The following ASAP1 variants were observed in gnomAD, a reference collection of about 807,000 sequenced individuals.
ASAP1 encodes the protein arf-GAP with SH3 domain, ANK repeat and PH domain-containing protein 1.
ASAP1 carries 43 observed loss-of-function variants against 145.2 expected under a neutral mutation model. The observed-to-expected ratio is 0.30, with a 90% confidence interval of 0.23 to 0.38. ASAP1 has a LOEUF of 0.38. Ranked by LOEUF, ASAP1 falls within the 10% of genes least tolerant of loss-of-function variation. The pLI, the probability that ASAP1 is intolerant of heterozygous loss-of-function variation, is 1.00. For synonymous variants in ASAP1, 546 were observed against 515.5 expected, an observed-to-expected ratio of 1.06 and a Z score of -0.80; for missense variants, 1,018 against 1,355.3, an observed-to-expected ratio of 0.75 and a Z score of 3.91.
chr8:130,237,019 G>T lies in ASAP1; in HGVS notation c.187-25C>A, dbSNP rs528506295. ...CCTAAAAGAGAAAAAAGGGGGAAAA[G>T]ATATTAGAAGATTTGGTAAATTAAA... On this transcript the variant is annotated intron_variant, in intron 3 of 29. Coordinates refer to ENST00000518721, the MANE Select transcript of ASAP1 (RefSeq NM_018482.4). The T allele has an allele frequency of 1.3e-5, 19 of 1,487,594 alleles. No individual in the cohort carries two copies. The South Asian group carries it at 2.2e-4, about 17-fold the overall frequency. 92.1% of individuals were successfully genotyped at this position (1,487,594 alleles called of 1,614,324 possible).
chr8:130,176,752 G>A (rs1398043739), intron 9 of ASAP1, among the ~76,000 whole-genome samples: 2 of 150,880 alleles, frequency 1.3e-5, no homozygotes, highest in Non-Finnish European at 2.9e-5. Context: ...GTGCAATGGC[G>A]TGATCTCGGC....
At chr8:130,305,086 C>G (rs927835039) in intron 3 of ASAP1, among the ~76,000 whole-genome samples, 1 of 152,172 alleles carries the variant, frequency 6.6e-6, no homozygotes, top group African/African-American at 2.4e-5. Context: ...CGGACCCCCA[C>G]AGCTAAACTC....
chr8:130,340,230 T>TG (rs1324110142), intron 3 of ASAP1, among the ~76,000 whole-genome samples: 1 of 152,080 alleles, frequency 6.6e-6, no homozygotes, highest in Non-Finnish European at 1.5e-5. Flanking sequence ...GTGAAAAAGG[T>TG]GTCTACAAGG....
At chr8:130,424,915 C>T (rs1587022837) in intron 1 of ASAP1, among the ~76,000 whole-genome samples, 1 of 151,988 alleles carries the variant, frequency 6.6e-6, no homozygotes, top group African/African-American at 2.4e-5. Flanking sequence ...ATCGCTTGAA[C>T]CCGGGAGGCA....
intron 13 of ASAP1, among the ~76,000 whole-genome samples, chr8:130,137,503 T>G (rs747297436): frequency 2.7e-4 from 41 of 152,242 alleles, no homozygotes; most frequent in Non-Finnish European, 4.4e-4. Flanking sequence ...TATCTTACTA[T>G]GAAATGTAGC....
At chr8:130,404,361 T>C (rs1342782123) in intron 1 of ASAP1, among the ~76,000 whole-genome samples, 2 of 152,308 alleles carry the variant, frequency 1.3e-5, no homozygotes, top group African/African-American at 4.8e-5. Flanking sequence ...CAAAACAATC[T>C]TGAAAATGAA....
chr8:130,162,608 G>C (rs993902290), intron 11 of ASAP1, among the ~76,000 whole-genome samples: 1 of 152,006 alleles, frequency 6.6e-6, no homozygotes, highest in Non-Finnish European at 1.5e-5. Context: ...CATGAGGTCA[G>C]GAGATCGAGA....
At chr8:130,262,243 A>G (rs1248422521) in intron 3 of ASAP1, among the ~76,000 whole-genome samples, 1 of 151,530 alleles carries the variant, frequency 6.6e-6, no homozygotes, top group Non-Finnish European at 1.5e-5. Context: ...AAAAATACAA[A>G]AACTAGCCGG....
chr8:130,221,166 T>C (rs1008184584), intron 4 of ASAP1, among the ~76,000 whole-genome samples: 3 of 151,958 alleles, frequency 2.0e-5, no homozygotes, highest in Admixed American at 6.6e-5. Flanking sequence ...CCTGGGAAGT[T>C]GAGGCTGCAG....
intron 20 of ASAP1, 79 bp from the exon 21 acceptor site, chr8:130,117,074 C>T: frequency 3.2e-6 from 3 of 945,102 alleles, no homozygotes; most frequent in East Asian, 2.6e-5. Context: ...TATTTTTGTG[C>T]TGACAACTGA....
chr8:130,076,606 C>T (rs1314132375), intron 26 of ASAP1, among the ~76,000 whole-genome samples, 200 bp from the exon 27 acceptor site: 2 of 152,126 alleles, frequency 1.3e-5, no homozygotes, highest in South Asian at 2.1e-4. Flanking sequence ...ACTGCAACCT[C>T]GGCCTCCTGG....
At chr8:130,350,470 A>G (rs1053354352) in intron 3 of ASAP1, among the ~76,000 whole-genome samples, 1 of 152,230 alleles carries the variant, frequency 6.6e-6, no homozygotes, top group African/African-American at 2.4e-5. Flanking sequence ...TAGGAAGCCA[A>G]TCACCTCAAT....
rs777273802 is a variant in ASAP1, at chr8:130,353,976, TC to T, written c.186+4040del. 7.2e-5 allele frequency among the ~76,000 whole-genome samples: 11 copies of T among 152,058 alleles called. No individual in the cohort carries two copies. The South Asian group carries it at 2.1e-3, about 29-fold the overall frequency. On this transcript the variant is annotated intron_variant, in intron 3 of 29. Transcript: ENST00000518721. The stretch of plus-strand genomic sequence containing the variant: ...ATCCTGGCTCACTGCAAGCTCCGTC[TC>T]CCGGGTTCATGCCATTCTCCTGCCT...
chr8:130,226,465 A>T (rs1191351802), intron 4 of ASAP1, among the ~76,000 whole-genome samples: 1 of 152,184 alleles, frequency 6.6e-6, no homozygotes, highest in Non-Finnish European at 1.5e-5. Context: ...TAAAGACAAA[A>T]TCCTTGGAGG....
rs1371562727 is a variant in ASAP1 at position 130,139,274 on chromosome 8, C to A, written c.1081-2236G>T. On this transcript the variant is annotated intron_variant, in intron 13 of 29. Coordinates refer to ENST00000518721, the MANE Select transcript of ASAP1 (RefSeq NM_018482.4). ...GAAGGTTGTTATTGGGAAGGTTGGG[C>A]AGCTGTTTTCCATTAGCTCAGATGA... Among the ~76,000 whole-genome samples the A allele has an allele frequency of 2.6e-5, 4 of 152,260 alleles. No homozygotes were observed. In the East Asian group the frequency reaches 7.7e-4, roughly 29 times the overall value.
intron 5 of ASAP1, among the ~76,000 whole-genome samples, chr8:130,189,751 G>C (rs116704407): frequency 0.026 from 4,006 of 152,240 alleles, 64 homozygotes; most frequent in Middle Eastern, 0.044. Context: ...CATAGTGGTT[G>C]TACTAATTTA....
At chr8:130,058,786 G>A (rs1250203641) in intron 28 of ASAP1, among the ~76,000 whole-genome samples, 1 of 152,030 alleles carries the variant, frequency 6.6e-6, no homozygotes, top group African/African-American at 2.4e-5. Context: ...TAAATGTTTT[G>A]GGTGGAGTGC....
intron 3 of ASAP1, among the ~76,000 whole-genome samples, chr8:130,333,652 A>AT (rs1027191864): frequency 1.3e-5 from 2 of 152,170 alleles, no homozygotes; most frequent in African/African-American, 2.4e-5. Flanking sequence ...GGCTGTAACA[A>AT]TTTTTTTAAA....
rs553737057 is a variant in ASAP1 at position 130,135,905 on chromosome 8, C to T, written c.1168+1046G>A. On this transcript the variant is annotated intron_variant, in intron 14 of 29. Transcript: ENST00000518721. ...ATACAGATGCTGCAGAATACAGTTT[C>T]GACTACCCCTAAAGAGCCTCATGAC... 2.0e-4 allele frequency among the ~76,000 whole-genome samples: 30 copies of T among 152,294 alleles called. No homozygotes were observed. The South Asian group carries it at 4.6e-3, about 23-fold the overall frequency.
Sources: gnomAD v4.1 joint callset for allele counts (sites outside exome capture counted in the v4.1 genomes callset) on GRCh38, gnomAD v4.1.1 for gene constraint, MANE v1.5 for transcripts, NCBI Gene and HGNC (gene_info 2026-07-23, HGNC 2026-07-21) for gene names.